Variants in EXOC2 observed in about 807,000 individuals in gnomAD.
The protein encoded by EXOC2 is SEC5-like 1.
In EXOC2, 70 loss-of-function variants were observed where a neutral mutation model predicts 131.8. The ratio of observed to expected loss-of-function variants is 0.53; its 90% CI spans 0.44 to 0.65. The LOEUF is 0.65. Among genes scored for constraint, EXOC2 ranks in the 30% least tolerant of loss-of-function variants. The pLI is 0.00. For synonymous variants in EXOC2, 411 were observed against 398.4 expected (o/e 1.03, Z -0.38); for missense variants, 923 against 1,108.6 (o/e 0.83, Z 2.38).
intron 27 of EXOC2, among the ~76,000 whole-genome samples, chr6:487,596 G>T (rs375664700): frequency 6.6e-6 from 1 of 152,030 alleles, no homozygotes. Context: ...TAGTAGAGAC[G>T]GGGTTTTACC....
intron 16 of EXOC2, among the ~76,000 whole-genome samples, chr6:563,075 C>T (rs1240613264): frequency 6.6e-6 from 1 of 152,174 alleles, no homozygotes; most frequent in African/African-American, 2.4e-5. Context: ...TACTGTATAG[C>T]CCAATTTGGG....
intron 17 of EXOC2, among the ~76,000 whole-genome samples, chr6:557,555 T>C (rs1581433519): frequency 6.8e-6 from 1 of 146,586 alleles, no homozygotes; most frequent in African/African-American, 2.5e-5. Context: ...GAGGCGGAGG[T>C]TGCAGTGAGC....
chr6:572,010 G>C lies in EXOC2; in HGVS notation c.1443+510C>G, dbSNP rs147800706. Among the ~76,000 whole-genome samples the C allele has an allele frequency of 3.2e-4, 49 of 152,360 alleles. No homozygotes were observed. The East Asian group carries it at 9.2e-3, about 29-fold the overall frequency. ...CATTAATAAATGTGTGACTGCAGAAGGTGGACGGGCTCATAAAAACTTCTG... is the reference window on the plus strand; with the variant it reads ...CATTAATAAATGTGTGACTGCAGAACGTGGACGGGCTCATAAAAACTTCTG... On this transcript the variant is annotated intron_variant, in intron 13 of 27. Transcript: ENST00000230449.
intron 23 of EXOC2, among the ~76,000 whole-genome samples, chr6:501,192 TC>T (rs1446823061): frequency 4.9e-5 from 1 of 20,230 alleles, no homozygotes; most frequent in Non-Finnish European, 1.1e-4. Context: ...ATTATATATA[TC>T]TATATATATT....
At chr6:597,275 C>T (rs1449299712) in intron 10 of EXOC2, among the ~76,000 whole-genome samples, 2 of 152,010 alleles carry the variant, frequency 1.3e-5, no homozygotes, top group African/African-American at 4.8e-5. Flanking sequence ...CTCCCGGGTT[C>T]AAGCGATTCT....
chr6:559,041 T>C (rs987188087), intron 17 of EXOC2, among the ~76,000 whole-genome samples: 5 of 152,196 alleles, frequency 3.3e-5, no homozygotes, highest in Non-Finnish European at 5.9e-5. Context: ...TCAAAAGAAA[T>C]AGTTCTGTCT....
intron 22 of EXOC2, among the ~76,000 whole-genome samples, chr6:544,593 A>G (rs1410785425): frequency 6.6e-6 from 1 of 152,256 alleles, no homozygotes; most frequent in East Asian, 1.9e-4. Context: ...ACACATATAT[A>G]TAGAGATAAT....
intron 23 of EXOC2, among the ~76,000 whole-genome samples, chr6:510,885 G>C (rs1455570085): frequency 6.6e-6 from 1 of 152,158 alleles, no homozygotes; most frequent in Non-Finnish European, 1.5e-5. Flanking sequence ...CAAGAAAACA[G>C]GATTCATTCT....
chr6:493,175 C>G (rs941845327), intron 25 of EXOC2, among the ~76,000 whole-genome samples: 2 of 152,186 alleles, frequency 1.3e-5, no homozygotes, highest in Admixed American at 6.5e-5. Context: ...ATTAGAAATT[C>G]TGTAAGCCAT....
chr6:654,571 G>A (rs769474031), intron 1 of EXOC2, among the ~76,000 whole-genome samples: 3 of 151,610 alleles, frequency 2.0e-5, no homozygotes, highest in Non-Finnish European at 4.4e-5. Flanking sequence ...AGGCTAAGGC[G>A]GGAGGATTGC....
intron 23 of EXOC2, among the ~76,000 whole-genome samples, chr6:513,515 A>G (rs1764972242): frequency 6.6e-6 from 1 of 152,236 alleles, no homozygotes; most frequent in Middle Eastern, 3.2e-3. Context: ...TTTAAAGTCC[A>G]TGAAGGTAGC....
chr6:620,730 G>T (rs1170140497), intron 4 of EXOC2, among the ~76,000 whole-genome samples: 4 of 152,152 alleles, frequency 2.6e-5, no homozygotes, highest in Non-Finnish European at 5.9e-5. Context: ...TCACCCAAAG[G>T]TAACATTTTT....
chr6:572,455 A>G, intron 13 of EXOC2, 65 bp downstream of exon 13: 6 of 1,535,426 alleles, frequency 3.9e-6, no homozygotes, highest in Non-Finnish European at 5.2e-6. Flanking sequence ...ACTTAAATCT[A>G]ACATTTTAAA....
Position 486,135 on chromosome 6 carries a change from C to T in EXOC2, c.*536G>A, listed in dbSNP as rs1179228686. The T allele has an allele frequency of 6.6e-6, 1 of 152,168 alleles. No individual in the cohort carries two copies. The highest frequency in any genetic ancestry group is 1.5e-5 in the Non-Finnish European group (1 of 68,056). The allele number at this position is 152,168 out of a possible 1,614,324, so 9.4% of individuals were successfully genotyped here. On this transcript the variant is annotated 3_prime_UTR_variant, in exon 28 of 28. Coordinates refer to ENST00000230449, the MANE Select transcript of EXOC2 (RefSeq NM_018303.6). ...TTGTAATATGTATTTTAATGGAGAC[C>T]ATAAATTTTTCCAAAAACCCGCTTG...
chr6:553,831 T>C (rs1395663729), intron 21 of EXOC2, 23 bp downstream of exon 21: 1 of 1,599,186 alleles, frequency 6.3e-7, no homozygotes, highest in Admixed American at 1.7e-5. Flanking sequence ...AATGGTTTAC[T>C]TTCTAGTTAT....
chr6:662,347 T>C (rs1207939433), intron 1 of EXOC2, among the ~76,000 whole-genome samples: 1 of 152,180 alleles, frequency 6.6e-6, no homozygotes, highest in Non-Finnish European at 1.5e-5. Flanking sequence ...AACTGCAGAA[T>C]ATACATTCTA....
intron 24 of EXOC2, 92 bp from the exon 25 acceptor site, chr6:497,581 AAATC>A: frequency 1.4e-6 from 2 of 1,465,436 alleles, no homozygotes; most frequent in Non-Finnish European, 1.8e-6. Flanking sequence ...AAACAAAAGA[AAATC>A]AACAGGACTT....
chr6:641,659 G>A (rs1466556726), intron 1 of EXOC2, among the ~76,000 whole-genome samples: 1 of 152,104 alleles, frequency 6.6e-6, no homozygotes, highest in Non-Finnish European at 1.5e-5. Context: ...GACAACTCAA[G>A]GTTACCTTGA....
intron 23 of EXOC2, among the ~76,000 whole-genome samples, chr6:520,685 G>C (rs1221385697): frequency 1.9e-5 from 2 of 102,940 alleles, no homozygotes. Flanking sequence ...CCCACCGAGC[G>C]CCGACACTCG....
Sources: allele counts gnomAD v4.1 joint callset (sites outside exome capture counted in the v4.1 genomes callset), GRCh38; gene constraint gnomAD v4.1.1; transcripts MANE v1.5; gene names NCBI Gene and HGNC (gene_info 2026-07-23, HGNC 2026-07-21).